Variants in MMEL1 observed in about 807,000 individuals in gnomAD.
MMEL1 encodes membrane metalloendopeptidase like 1.
In MMEL1, 98 loss-of-function variants were observed where a neutral mutation model predicts 117.1. That is an observed-to-expected ratio of 0.84 (90% CI 0.71 to 0.99). MMEL1 has a LOEUF of 0.99. Ranked by LOEUF, MMEL1 falls within the 50% of genes least tolerant of loss-of-function variation. The pLI is 0.00. For synonymous variants in MMEL1, 390 were observed against 415.1 expected (o/e 0.94, Z 0.74); for missense variants, 1,014 against 1,049.1 (o/e 0.97, Z 0.46).
chr1:2,598,903 G>GA (rs1644889052), intron 11 of MMEL1, 113 bp from the exon 12 acceptor site: 2 of 751,576 alleles, frequency 2.7e-6, no homozygotes, highest in Non-Finnish European at 3.8e-6. Flanking sequence ...TAAGAGAGAA[G>GA]TGCAGGTAAT....
Position 2,609,360 on chromosome 1 carries a change from A to G in MMEL1, c.514T>C (p.Tyr172His). ...RPAVEKARTL[Y>H]RSCMNQSVIE... ...TCACTCTGGTTCATGCAGGAGCGGTACAGCGTCCTGGCCTTCTCCACAGCC... is the reference window on the plus strand; with the variant it reads ...TCACTCTGGTTCATGCAGGAGCGGTGCAGCGTCCTGGCCTTCTCCACAGCC... Residue 172 changes from tyrosine (Y) to histidine (H), a missense_variant, in exon 6 of 24, where the codon TAC becomes CAC. Coordinates refer to ENST00000378412, the MANE Select transcript of MMEL1 (RefSeq NM_033467.4). The G allele has an allele frequency of 6.2e-7, 1 of 1,611,866 alleles. No individual in the cohort carries two copies. The highest frequency in any genetic ancestry group is 8.5e-7 in the Non-Finnish European group (1 of 1,179,470).
At chr1:2,629,568 C>A in intron 1 of MMEL1, 47 bp from the exon 2 acceptor site, 1 of 1,357,126 alleles carries the variant, frequency 7.4e-7, no homozygotes, top group Non-Finnish European at 9.5e-7. Context: ...TGGAGCTCCC[C>A]GAGCCCGGCC....
At chr1:2,605,698 G>A in intron 8 of MMEL1, 75 bp from the exon 9 acceptor site, 5 of 1,124,478 alleles carry the variant, frequency 4.4e-6, no homozygotes, top group East Asian at 4.8e-5. Context: ...GGCTGCAGCC[G>A]CCTCCCCACA....
At position 2,632,877 on chromosome 1, in the gene MMEL1, C is replaced by G. The variant is rs1023527432; in HGVS notation, c.-49G>C. Reference sequence around the variant, plus strand: ...TCAGCACAACTCACCTTTGCTCACTCAGGAGTGGCTGCCGCCCACAGTCAG... The same window carrying G: ...TCAGCACAACTCACCTTTGCTCACTGAGGAGTGGCTGCCGCCCACAGTCAG... On this transcript the variant is annotated 5_prime_UTR_variant, in exon 1 of 24. Coordinates refer to ENST00000378412, the MANE Select transcript of MMEL1 (RefSeq NM_033467.4). 3.0e-6 allele frequency: 3 copies of G among 985,534 alleles called. No homozygotes were observed. The African/African-American group carries it at 5.2e-5, about 17-fold the overall frequency. 61.0% of individuals were successfully genotyped at this position (985,534 alleles called of 1,614,324 possible).
intron 12 of MMEL1, 86 bp from the exon 13 acceptor site, chr1:2,598,386 A>C: frequency 7.2e-7 from 1 of 1,389,680 alleles, no homozygotes; most frequent in Non-Finnish European, 1.0e-6. Context: ...CTTGGCCAGC[A>C]CGTTCCACCC....
intron 14 of MMEL1, 75 bp from the exon 15 acceptor site, chr1:2,596,182 G>A: frequency 7.2e-7 from 1 of 1,386,128 alleles, no homozygotes; most frequent in Non-Finnish European, 1.0e-6. Flanking sequence ...GCTTTGGGGA[G>A]GTCTGGTCTG....
chr1:2,599,668 G>A (rs1306714959), intron 11 of MMEL1, among the ~76,000 whole-genome samples: 1 of 152,194 alleles, frequency 6.6e-6, no homozygotes. Context: ...GGCCATGCTG[G>A]CCAACATGGT....
In MMEL1 at chr1:2,595,946, C is replaced by T. The variant is rs796582193; in HGVS notation, c.1500+63G>A. 16 of 1,430,880 alleles carry T rather than the reference C, an allele frequency of 1.1e-5. No individual in the cohort carries two copies. The African/African-American group carries it at 1.3e-4, about 11-fold the overall frequency. 88.6% of individuals were successfully genotyped at this position (1,430,880 alleles called of 1,614,324 possible). ...CGTGGGGACCGTCAGGAGGCTTTGTCGGGGCGGTGCTGCCCGTGCCCAGAT... is the reference window on the plus strand; with the variant it reads ...CGTGGGGACCGTCAGGAGGCTTTGTTGGGGCGGTGCTGCCCGTGCCCAGAT... On this transcript the variant is annotated intron_variant, in intron 15 of 23. Coordinates refer to ENST00000378412, the MANE Select transcript of MMEL1 (RefSeq NM_033467.4). This position sits in a 1 kb window ranked among gnomAD's most constrained non-coding sequence, Gnocchi z 4.8.
chr1:2,591,662 G>C (rs1251457533), intron 22 of MMEL1, 29 bp from the exon 23 acceptor site: 1 of 1,593,322 alleles, frequency 6.3e-7, no homozygotes. Context: ...CGTGGCTACA[G>C]GTGGCGTGGT....
Position 2,591,108 on chromosome 1 carries a change from G to T in MMEL1, c.2241-19C>A. ...CAGTACCCTGTGGGTGGGTGGGTGT[G>T]ACAGCAGGAGCATTGCCATCTTGGA... On this transcript the variant is annotated intron_variant, in intron 23 of 23. Coordinates refer to ENST00000378412, the MANE Select transcript of MMEL1 (RefSeq NM_033467.4). 1.3e-6 allele frequency: 2 copies of T among 1,524,372 alleles called. No homozygotes were observed. The highest frequency in any genetic ancestry group is 1.8e-6 in the Non-Finnish European group (2 of 1,131,748). 94.4% of individuals were successfully genotyped at this position (1,524,372 alleles called of 1,614,324 possible).
At chr1:2,607,203 C>T in intron 6 of MMEL1, 134 bp from the exon 7 acceptor site, 1 of 707,774 alleles carries the variant, frequency 1.4e-6, no homozygotes, top group South Asian at 1.7e-5. Flanking sequence ...AGGCGGCCTC[C>T]CAGCCTCTGG....
intron 2 of MMEL1, among the ~76,000 whole-genome samples, chr1:2,622,591 A>T (rs1426806696): frequency 6.6e-6 from 1 of 152,184 alleles, no homozygotes; most frequent in Non-Finnish European, 1.5e-5. Flanking sequence ...GTAAGATAGA[A>T]ACCAAATTCT....
intron 21 of MMEL1, 33 bp from the exon 22 acceptor site, chr1:2,592,060 C>A (rs1644728240): frequency 6.4e-7 from 1 of 1,572,668 alleles, no homozygotes; most frequent in Admixed American, 1.7e-5. Flanking sequence ...GAGCTCAGGC[C>A]TGCCAGCCTG....
chr1:2,607,164 T>C, intron 6 of MMEL1, 95 bp from the exon 7 acceptor site: 1 of 1,053,254 alleles, frequency 9.5e-7, no homozygotes, highest in South Asian at 1.3e-5. Context: ...GCGTCACAGG[T>C]CCCCACAGCC....
At chr1:2,602,155 G>C (rs1041788202) in intron 11 of MMEL1, among the ~76,000 whole-genome samples, 1 of 152,212 alleles carries the variant, frequency 6.6e-6, no homozygotes, top group Non-Finnish European at 1.5e-5. Flanking sequence ...TAGAGGCCAC[G>C]TCAGGGACCG....
chr1:2,619,414 T>C (rs1461272564), intron 2 of MMEL1, among the ~76,000 whole-genome samples: 1 of 152,120 alleles, frequency 6.6e-6, no homozygotes, highest in East Asian at 1.9e-4. Flanking sequence ...TCCTAGCACT[T>C]TGGGAGGCCA....
At chr1:2,610,189 T>A (rs1281892300) in intron 4 of MMEL1, among the ~76,000 whole-genome samples, 1 of 152,138 alleles carries the variant, frequency 6.6e-6, no homozygotes, top group African/African-American at 2.4e-5. Context: ...AACAGATGTG[T>A]GTCTCCTCTC....
In MMEL1 at chr1:2,604,187, T is replaced by A; in HGVS notation, c.911A>T (p.Asp304Val). The A allele has an allele frequency of 6.2e-7, 1 of 1,610,834 alleles. No homozygotes were observed. The highest frequency in any genetic ancestry group is 8.5e-7 in the Non-Finnish European group (1 of 1,179,046). The change falls in exon 10 of 24, where the codon GAC (aspartate) becomes GTC (valine). Residue 304 changes from aspartate (D) to valine (V), a missense_variant. Coordinates refer to ENST00000378412, the MANE Select transcript of MMEL1 (RefSeq NM_033467.4). ...CTCCAGCTCCAGCACCTGCACCATGTCCTCCTGCACCAGGCAGCTGTCCCT... is the reference window on the plus strand; with the variant it reads ...CTCCAGCTCCAGCACCTGCACCATGACCTCCTGCACCAGGCAGCTGTCCCT... ...LPRDSCLVQE[D>V]MVQVLELETQ... is the part of the protein sequence containing the mutation.
intron 7 of MMEL1, 132 bp downstream of exon 7, chr1:2,606,842 C>T: frequency 1.2e-6 from 1 of 821,296 alleles, no homozygotes; most frequent in African/African-American, 1.7e-5. Flanking sequence ...TGGGTTGGGC[C>T]TCTTGGGGCT....
Sources: gnomAD v4.1 joint callset for allele counts (sites outside exome capture counted in the v4.1 genomes callset) on GRCh38, gnomAD v4.1.1 for gene constraint, Gnocchi (gnomAD v3.1) non-coding constraint, MANE v1.5 for transcripts, NCBI Gene and HGNC (gene_info 2026-07-23, HGNC 2026-07-21) for gene names.